Variants in MECR observed in about 807,000 individuals in gnomAD.
MECR encodes enoyl-[acyl-carrier-protein] reductase, mitochondrial.
Under a neutral mutation model 49.1 loss-of-function variants are expected in MECR, and 37 were observed. The observed-to-expected ratio is 0.75, with a 90% CI of 0.58 to 0.99. The LOEUF (loss-of-function observed/expected upper bound fraction) is 0.99. Among genes scored for constraint, MECR ranks in the 50% least tolerant of loss-of-function variants. The pLI is 0.00. For missense variants in MECR, 470 were observed against 479.6 expected (o/e 0.98, Z 0.19); for synonymous variants, 198 against 191.1 (o/e 1.04, Z -0.30).
At chr1:29,206,032 A>G (rs1676497413) in intron 4 of MECR, among the ~76,000 whole-genome samples, 2 of 152,184 alleles carry the variant, frequency 1.3e-5, no homozygotes, top group South Asian at 4.1e-4. Flanking sequence ...TCTCATGCAA[A>G]TAGTTTACCT....
At chr1:29,217,366 C>T (rs576262737) in intron 1 of MECR, among the ~76,000 whole-genome samples, 27 of 149,134 alleles carry the variant, frequency 1.8e-4, no homozygotes, top group Admixed American at 1.3e-3. Context: ...CCTGCCACCA[C>T]GCCCGGCTAA....
chr1:29,202,074 C>T (rs1290456694), intron 5 of MECR, 29 bp from the exon 6 acceptor site: 2 of 1,590,372 alleles, frequency 1.3e-6, no homozygotes, highest in Non-Finnish European at 1.7e-6. Context: ...TCCCTGGTCA[C>T]ATCTGCCAGC....
intron 1 of MECR, 21 bp downstream of exon 1, chr1:29,230,710 G>T (rs752335498): frequency 1.0e-5 from 16 of 1,558,364 alleles, no homozygotes; most frequent in Non-Finnish European, 1.4e-5. Flanking sequence ...CCCCTTCCCC[G>T]GCTTCGGCGC....
chr1:29,185,133 G>T, the MECR span, among the ~76,000 whole-genome samples: 1 of 152,016 alleles, frequency 6.6e-6, no homozygotes, highest in Non-Finnish European at 1.5e-5. Context: ...TCTCAAAAAA[G>T]AAACAAACAA....
chr1:29,207,035 C>T, intron 3 of MECR, 130 bp from the exon 4 acceptor site: 1 of 940,082 alleles, frequency 1.1e-6, no homozygotes, highest in Non-Finnish European at 1.6e-6. Flanking sequence ...AGGATAGCAT[C>T]CAGGATGTTT....
the MECR span, chr1:29,173,177 A>G: frequency 3.4e-5 from 4 of 116,572 alleles, no homozygotes; most frequent in Middle Eastern, 0.011. Context: ...TTGCTCTGTC[A>G]TCCAGGCTGG....
At chr1:29,190,450 G>C (rs1183440000), downstream of MECR, among the ~76,000 whole-genome samples, 1 of 151,962 alleles carries the variant, frequency 6.6e-6, no homozygotes, top group East Asian at 1.9e-4. Context: ...AAGGAGGGTG[G>C]AAGGGGAAGG....
chr1:29,171,960 C>G, the MECR span: 1 of 152,036 alleles, frequency 6.6e-6, no homozygotes, highest in Non-Finnish European at 1.5e-5. Flanking sequence ...GACCAAGAAC[C>G]AAGGAGTGGA....
intron 4 of MECR, among the ~76,000 whole-genome samples, chr1:29,205,881 C>A (rs111576165): frequency 2.6e-5 from 4 of 152,240 alleles, no homozygotes; most frequent in Middle Eastern, 3.4e-3. Context: ...TGGGCTTTGC[C>A]TCCATCTCTG....
intron 4 of MECR, 124 bp downstream of exon 4, chr1:29,206,638 G>T: frequency 9.2e-7 from 1 of 1,087,900 alleles, no homozygotes; most frequent in East Asian, 2.4e-5. Flanking sequence ...CATTCACCCA[G>T]GTGAGAGGTC....
At chr1:29,221,516 A>T (rs886354885) in intron 1 of MECR, among the ~76,000 whole-genome samples, 1 of 152,224 alleles carries the variant, frequency 6.6e-6, no homozygotes, top group Non-Finnish European at 1.5e-5. Context: ...TCTGCATAAG[A>T]GCCAGGAGAA....
chr1:29,188,648 C>CTT (rs35238492), downstream of MECR, among the ~76,000 whole-genome samples: 363 of 149,334 alleles, frequency 2.4e-3, 1 homozygote, highest in African/African-American at 7.4e-3. Context: ...GCCTATTTGT[C>CTT]TTTTTTTTTT....
At chr1:29,212,628 G>C (rs1678298736) in intron 3 of MECR, among the ~76,000 whole-genome samples, 1 of 152,054 alleles carries the variant, frequency 6.6e-6, no homozygotes, top group Non-Finnish European at 1.5e-5. Flanking sequence ...GTCTTATTCA[G>C]ACCCTCACAC....
chr1:29,216,813 C>T (rs1393614207), intron 1 of MECR, 128 bp from the exon 2 acceptor site: 13 of 1,535,072 alleles, frequency 8.5e-6, no homozygotes, highest in Non-Finnish European at 1.1e-5. Context: ...AATTACGGTT[C>T]TGTTATAAAA....
chr1:29,187,440 A>T, the MECR span, among the ~76,000 whole-genome samples: 1 of 150,608 alleles, frequency 6.6e-6, no homozygotes, highest in South Asian at 2.1e-4. Context: ...CGAACTCCTG[A>T]CCTCAGGTGA....
chr1:29,171,135 A>AT, the MECR span: 1 of 152,178 alleles, frequency 6.6e-6, no homozygotes, highest in African/African-American at 2.4e-5. Flanking sequence ...TCCTCAGCCA[A>AT]CCACGATAAA....
At chr1:29,211,922 A>G (rs192227455) in intron 3 of MECR, among the ~76,000 whole-genome samples, 2 of 152,208 alleles carry the variant, frequency 1.3e-5, no homozygotes, top group African/African-American at 4.8e-5. Context: ...GCTGTGGCCA[A>G]CTAAGAACTT....
chr1:29,219,626 G>C (rs1167000088), intron 1 of MECR, among the ~76,000 whole-genome samples: 2 of 151,902 alleles, frequency 1.3e-5, no homozygotes, highest in Non-Finnish European at 2.9e-5. Flanking sequence ...TACATTTTTT[G>C]TCAATTGATC....
At chr1:29,181,793 C>G in the MECR span, 9 of 1,506,498 alleles carry the variant, frequency 6.0e-6, no homozygotes, top group Admixed American at 2.1e-5. Flanking sequence ...CCCCAGCCCC[C>G]CTTAGGCGGC....
Sources: allele counts gnomAD v4.1 joint callset (sites outside exome capture counted in the v4.1 genomes callset), GRCh38; gene constraint gnomAD v4.1.1; transcripts MANE v1.5; gene names NCBI Gene and HGNC (gene_info 2026-07-23, HGNC 2026-07-21).